Variants in PTDSS2 observed in about 807,000 individuals in gnomAD.
PTDSS2 encodes PSS-2.
In PTDSS2, 41 loss-of-function variants were observed where a neutral mutation model predicts 64.7. That is an observed-to-expected ratio of 0.63 (90% confidence interval 0.49 to 0.82). The LOEUF is 0.82. Among genes scored for constraint, PTDSS2 ranks in the 40% least tolerant of loss-of-function variants. The pLI is 0.00. For synonymous variants in PTDSS2, 297 were observed against 277.8 expected (o/e 1.07, Z -0.69); for missense variants, 485 against 650.0 (o/e 0.75, Z 2.76).
intron 2 of PTDSS2, among the ~76,000 whole-genome samples, 153 bp from the exon 3 acceptor site, chr11:473,742 G>A (rs12575419): frequency 7.9e-6 from 1 of 127,014 alleles, no homozygotes; most frequent in Admixed American, 7.6e-5. Context: ...CTTTCCCCGC[G>A]GCGGAGTCGC....
chr11:487,359 C>T (rs1463967434), intron 5 of PTDSS2, 61 bp from the exon 6 acceptor site: 60 of 1,462,808 alleles, frequency 4.1e-5, no homozygotes, highest in East Asian at 2.0e-4. Context: ...GCTGATCTGC[C>T]GGTGTGGGGA....
intron 2 of PTDSS2, among the ~76,000 whole-genome samples, chr11:469,139 G>C (rs1297127294): frequency 6.3e-5 from 7 of 110,344 alleles, no homozygotes; most frequent in African/African-American, 1.8e-4. Context: ...AGGAGGAGGG[G>C]AGTCTCTGGG....
intron 1 of PTDSS2, among the ~76,000 whole-genome samples, chr11:456,455 G>T (rs893301279): frequency 5.3e-5 from 8 of 151,842 alleles, no homozygotes; most frequent in Non-Finnish European, 2.9e-5. Flanking sequence ...GGAATTACAG[G>T]TGTGAGCCAC....
chr11:478,946 T>G, intron 3 of PTDSS2, 139 bp from the exon 4 acceptor site: 1 of 680,484 alleles, frequency 1.5e-6, no homozygotes, highest in Non-Finnish European at 2.6e-6. Flanking sequence ...ACAGCTTTCT[T>G]TATAAAGGCT....
Position 460,100 on chromosome 11 carries a change from CGTAGAGAGGAT to C in PTDSS2, c.183-86_183-76del. ...AGTGGAGTTTAAGCCCTCTCCTTGA[CGTAGAGAGGAT>C]TTGGGGCCTGTTACGTGAGTATTTA... is the stretch of plus-strand genomic sequence containing the variant. On this transcript the variant is annotated intron_variant, in intron 1 of 11. Transcript: ENST00000308020. The surrounding 1 kb of genome is among the most constrained non-coding windows in gnomAD (Gnocchi z 5.8). 9.7e-7 allele frequency: 1 copy of C among 1,026,910 alleles called. No homozygotes were observed. Among genetic ancestry groups the C allele is most frequent in the East Asian group, 2.5e-5 (1 of 39,376 alleles). The allele number at this position is 1,026,910 out of a possible 1,614,324, so 63.6% of individuals were successfully genotyped here.
intron 2 of PTDSS2, among the ~76,000 whole-genome samples, chr11:471,252 C>T (rs1163255022): frequency 6.6e-6 from 1 of 151,978 alleles, no homozygotes; most frequent in African/African-American, 2.4e-5. Flanking sequence ...TCTGCCACCA[C>T]ACCTGGCTAA....
At chr11:489,175 C>G (rs141986670) in intron 8 of PTDSS2, among the ~76,000 whole-genome samples, 1 of 152,214 alleles carries the variant, frequency 6.6e-6, no homozygotes, top group East Asian at 1.9e-4. Flanking sequence ...AGAAGCAGGG[C>G]TTGTAGCTGG....
intron 1 of PTDSS2, among the ~76,000 whole-genome samples, chr11:453,890 C>G (rs1416480195): frequency 6.6e-6 from 1 of 152,260 alleles, no homozygotes; most frequent in African/African-American, 2.4e-5. Flanking sequence ...TCTTCACGCC[C>G]TCACCCTAGT....
upstream of PTDSS2, among the ~76,000 whole-genome samples, chr11:448,837 G>C (rs879519845): frequency 1.3e-5 from 2 of 152,252 alleles, no homozygotes; most frequent in Non-Finnish European, 1.5e-5. Flanking sequence ...CGAGTGGACA[G>C]TTGAGTGGTT....
chr11:472,008 C>CGCGGATGGCGGCCTGGGGTGAT (rs1847479638), intron 2 of PTDSS2, among the ~76,000 whole-genome samples: 1 of 131,354 alleles, frequency 7.6e-6, no homozygotes, highest in African/African-American at 3.2e-5. Flanking sequence ...CCTGGGGTGA[C>CGCGGATGGCGGCCTGGGGTGAT]GCGGATGGCG....
chr11:453,454 A>G (rs995146636), intron 1 of PTDSS2, among the ~76,000 whole-genome samples: 3 of 152,130 alleles, frequency 2.0e-5, no homozygotes, highest in East Asian at 1.9e-4. Context: ...ATGTTCTGAG[A>G]GTTTTTATTG....
intron 4 of PTDSS2, among the ~76,000 whole-genome samples, chr11:484,378 TACTG>T (rs1848202003): frequency 1.3e-5 from 2 of 152,162 alleles, no homozygotes; most frequent in Non-Finnish European, 2.9e-5. Context: ...CTTGGGTCCT[TACTG>T]AATATTAGGA....
At chr11:452,551 T>A (rs974672885) in intron 1 of PTDSS2, among the ~76,000 whole-genome samples, 1 of 151,468 alleles carries the variant, frequency 6.6e-6, no homozygotes, top group Non-Finnish European at 1.5e-5. Flanking sequence ...GCCAAGGGGG[T>A]CAGGAGGGCT....
chr11:489,853 G>A lies in PTDSS2; in HGVS notation c.1116-30G>A, dbSNP rs377523007. 1.5e-3 allele frequency: 2,355 copies of A among 1,554,896 alleles called. 3 individuals are homozygous for A. The highest frequency in any genetic ancestry group is 1.8e-3 in the Non-Finnish European group (2,131 of 1,152,560). ...CCGCCTGGAGGACCCTGCGGGGCCCGGGACGCTGAACCCCCTGCTGCCCCT... is the reference window on the plus strand; with the variant it reads ...CCGCCTGGAGGACCCTGCGGGGCCCAGGACGCTGAACCCCCTGCTGCCCCT... On this transcript the variant is annotated intron_variant, in intron 10 of 11. Transcript: ENST00000308020.
chr11:454,466 G>C (rs75689984), intron 1 of PTDSS2, among the ~76,000 whole-genome samples: 1 of 152,214 alleles, frequency 6.6e-6, no homozygotes, highest in South Asian at 2.1e-4. Flanking sequence ...CAAGGAGTGA[G>C]TGTTGGGTTG....
chr11:468,401 G>A (rs915995118), intron 2 of PTDSS2, among the ~76,000 whole-genome samples: 3 of 152,246 alleles, frequency 2.0e-5, no homozygotes, highest in African/African-American at 4.8e-5. Flanking sequence ...ATGACACTGC[G>A]TTTGTCCGAA....
chr11:489,793 G>A (rs1196499943), intron 10 of PTDSS2, 60 bp downstream of exon 10: 2 of 1,571,964 alleles, frequency 1.3e-6, no homozygotes, highest in East Asian at 2.3e-5. Flanking sequence ...GGAGGGCTGG[G>A]GAGCAGAGCC....
At position 488,385 on chromosome 11, in the gene PTDSS2, C is replaced by T. The variant is rs545893318; in HGVS notation, c.735+73C>T. 8.6e-5 allele frequency: 122 copies of T among 1,412,636 alleles called. No homozygotes were observed. In the African/African-American group the frequency reaches 9.6e-4, roughly 11 times the overall value. 87.5% of individuals were successfully genotyped at this position (1,412,636 alleles called of 1,614,324 possible). A position where few individuals can be genotyped will look rare whatever the true frequency, so the allele number is the denominator to read the frequency against. ...ATTCTCGGAACCCCTGTGCCCAGCG[C>T]GGCCCCTGGACCCCCTCATTCTCCC... On this transcript the variant is annotated intron_variant, in intron 7 of 11. Transcript: ENST00000308020.
chr11:469,799 AC>A (rs1236520782), intron 2 of PTDSS2, among the ~76,000 whole-genome samples: 2 of 152,034 alleles, frequency 1.3e-5, no homozygotes, highest in African/African-American at 4.8e-5. Flanking sequence ...TGATTCCAGC[AC>A]CGGGGCAGGA....
Sources: allele counts gnomAD v4.1 joint callset (sites outside exome capture counted in the v4.1 genomes callset), GRCh38; gene constraint gnomAD v4.1.1; non-coding constraint Gnocchi (gnomAD v3.1); transcripts MANE v1.5; gene names NCBI Gene and HGNC (gene_info 2026-07-23, HGNC 2026-07-21).